JMJD1C: variants seen among roughly 807,000 people sequenced by gnomAD.
JMJD1C encodes the protein jumonji domain containing 1C, also known as jumonji domain-containing protein 1C.
In JMJD1C, 31 loss-of-function variants were observed where a neutral mutation model predicts 245.3. That is an observed-to-expected ratio of 0.13 (90% confidence interval 0.09 to 0.17). JMJD1C has a LOEUF of 0.17. Among genes scored for constraint, JMJD1C ranks in the 10% least tolerant of loss-of-function variants. The pLI, the probability that JMJD1C is intolerant of heterozygous loss-of-function variation, is 1.00. For missense variants in JMJD1C, 2,691 were observed against 3,000.2 expected (o/e 0.90, Z 2.41); for synonymous variants, 1,057 against 1,017.4 (o/e 1.04, Z -0.74).
At chr10:63,315,438 T>A (rs948151983) in intron 2 of JMJD1C, among the ~76,000 whole-genome samples, 1 of 152,226 alleles carries the variant, frequency 6.6e-6, no homozygotes, top group Admixed American at 6.5e-5. Flanking sequence ...CCTTCTGCCA[T>A]AAGAACCTTA....
intron 3 of JMJD1C, among the ~76,000 whole-genome samples, chr10:63,247,668 A>G (rs1640707640): frequency 7.1e-6 from 1 of 141,464 alleles, no homozygotes; most frequent in African/African-American, 2.6e-5. Context: ...AGAGGCGAAG[A>G]CTGCAGTGAG....
rs1182022940 is a variant in JMJD1C, at chr10:63,238,005, C to CT, written c.448-18023dup. On this transcript the variant is annotated intron_variant, in intron 3 of 25. Coordinates refer to ENST00000399262, the MANE Select transcript of JMJD1C (RefSeq NM_032776.3). ...CCAACACAGTGAAACCCCGTCTCTA[C>CT]TAAAAAAAAAAAAAAAAAAAAAAAA... Among the ~76,000 whole-genome samples the CT allele has an allele frequency of 5.2e-3, 211 of 40,526 alleles. 3 individuals are homozygous for CT. Among genetic ancestry groups the CT allele is most frequent in the African/African-American group, 0.024 (197 of 8,274 alleles). The allele number at this position is 40,526 out of a possible 152,430, so 26.6% of individuals were successfully genotyped here.
chr10:63,412,657 T>C (rs538002350), intron 1 of JMJD1C, among the ~76,000 whole-genome samples: 2 of 152,346 alleles, frequency 1.3e-5, no homozygotes, highest in South Asian at 2.1e-4. Context: ...CTACTGTAAA[T>C]AGTGCCATGT....
At chr10:63,201,379 T>C (rs530569083) in intron 10 of JMJD1C, among the ~76,000 whole-genome samples, 31 of 152,270 alleles carry the variant, frequency 2.0e-4, no homozygotes, top group African/African-American at 7.2e-4. Context: ...CTATCTTTAT[T>C]GATGAATTAA....
chr10:63,236,442 T>G (rs1850742884), intron 3 of JMJD1C, among the ~76,000 whole-genome samples: 1 of 152,212 alleles, frequency 6.6e-6, no homozygotes. Context: ...ATATTCTTTG[T>G]GATACTTTTA....
chr10:63,518,803 A>T (rs1422508255), intron 1 of JMJD1C, among the ~76,000 whole-genome samples: 1 of 152,238 alleles, frequency 6.6e-6, no homozygotes, highest in African/African-American at 2.4e-5. Flanking sequence ...CAATCATTAC[A>T]ACAATCTAAA....
In JMJD1C at chr10:63,213,648, T is replaced by C; in HGVS notation, c.2519A>G (p.Gln840Arg). Residue 840 changes from glutamine to arginine, a missense_variant, in exon 8 of 26, where the codon CAG becomes CGG. Transcript: ENST00000399262. ...GGCTTGTCCAAGAAGATGAGGTGACTGGTGCTGTAACAACTGTTGTTGTTG... is the reference window on the plus strand; with the variant it reads ...GGCTTGTCCAAGAAGATGAGGTGACCGGTGCTGTAACAACTGTTGTTGTTG... ...HQQQQQLLQH[Q>R]SPHLLGQAHP... is the part of the protein sequence containing the mutation. The C allele has an allele frequency of 2.5e-6, 4 of 1,614,226 alleles. No individual in the cohort carries two copies. The highest frequency in any genetic ancestry group is 3.4e-6 in the Non-Finnish European group (4 of 1,180,018).
chr10:63,488,640 C>G (rs958314121), intron 1 of JMJD1C, among the ~76,000 whole-genome samples: 5 of 151,918 alleles, frequency 3.3e-5, no homozygotes, highest in Non-Finnish European at 7.4e-5. Context: ...ATTAAAAAGA[C>G]AGCAATAAAG....
intron 3 of JMJD1C, 120 bp downstream of exon 3, chr10:63,264,531 T>A: frequency 1.8e-6 from 1 of 563,892 alleles, no homozygotes; most frequent in Non-Finnish European, 3.1e-6. Flanking sequence ...ATTCATTGGG[T>A]TTTTCACACA....
intron 3 of JMJD1C, among the ~76,000 whole-genome samples, chr10:63,262,802 GT>G (rs1854952945): frequency 1.0e-5 from 1 of 98,934 alleles, no homozygotes; most frequent in South Asian, 3.2e-4. Flanking sequence ...CTCTCAAACT[GT>G]TTTAAAAAAA....
At chr10:63,355,601 G>A (rs1358943016) in intron 2 of JMJD1C, among the ~76,000 whole-genome samples, 1 of 152,168 alleles carries the variant, frequency 6.6e-6, no homozygotes, top group African/African-American at 2.4e-5. Context: ...GTGAAAGAGG[G>A]AACAACAGTA....
intron 2 of JMJD1C, among the ~76,000 whole-genome samples, chr10:63,356,927 T>C (rs1001698395): frequency 1.3e-5 from 2 of 152,192 alleles, no homozygotes; most frequent in African/African-American, 2.4e-5. Context: ...TATTCATCTA[T>C]AAACAAGAAT....
chr10:63,357,974 G>C (rs1945006353), intron 2 of JMJD1C, among the ~76,000 whole-genome samples: 1 of 149,182 alleles, frequency 6.7e-6, no homozygotes, highest in South Asian at 2.1e-4. Flanking sequence ...TCTCAAATTA[G>C]AACACATGTA....
intron 1 of JMJD1C, among the ~76,000 whole-genome samples, chr10:63,462,427 G>A (rs1393842031): frequency 1.3e-5 from 2 of 152,180 alleles, no homozygotes; most frequent in Admixed American, 6.5e-5. Context: ...ACCACGGTGT[G>A]GTAAAAAATA....
chr10:63,206,093 C>G (rs577349926), intron 10 of JMJD1C, among the ~76,000 whole-genome samples: 44 of 152,238 alleles, frequency 2.9e-4, no homozygotes, highest in Non-Finnish European at 5.1e-4. Context: ...TCCGTGGGGG[C>G]GTCCTGGAAC....
At chr10:63,451,408 G>C (rs1952060876) in intron 1 of JMJD1C, among the ~76,000 whole-genome samples, 2 of 152,082 alleles carry the variant, frequency 1.3e-5, no homozygotes, top group South Asian at 4.1e-4. Context: ...AAACGCTGCA[G>C]GACTGGGATA....
chr10:63,301,366 GA>G (rs1412388617), intron 2 of JMJD1C, among the ~76,000 whole-genome samples: 3 of 152,110 alleles, frequency 2.0e-5, no homozygotes, highest in African/African-American at 7.2e-5. Flanking sequence ...TCAAAAATAT[GA>G]AGAAAAATCC....
At position 63,207,182 on chromosome 10, in the gene JMJD1C, C is replaced by A. The variant is rs370143073; in HGVS notation, c.4487G>T (p.Ser1496Ile). Residue 1496 changes from serine to isoleucine, a missense_variant, in exon 10 of 26, where the codon AGT (serine) becomes ATT (isoleucine). Physicochemically the swap from Ser to Ile is moderately radical, Grantham distance 142. Transcript: ENST00000399262. ...KAALAAAQYK[S>I]SNASETEPNA... ...AGGTTCAGTCTCACTGGCATTACTA[C>A]TTTTATACTGAGCTGCAGCCAATGC... 5 of 1,614,188 alleles carry A rather than the reference C, an allele frequency of 3.1e-6. No individual in the cohort carries two copies. The highest frequency in any genetic ancestry group is 4.2e-6 in the Non-Finnish European group (5 of 1,180,036).
chr10:63,441,154 T>C (rs1227291027), intron 1 of JMJD1C, among the ~76,000 whole-genome samples: 1 of 152,214 alleles, frequency 6.6e-6, no homozygotes, highest in African/African-American at 2.4e-5. Context: ...ACAAAAGAAC[T>C]GAAAGCTCTC....
Sources: allele counts gnomAD v4.1 joint callset (sites outside exome capture counted in the v4.1 genomes callset), GRCh38; gene constraint gnomAD v4.1.1; transcripts MANE v1.5; gene names NCBI Gene and HGNC (gene_info 2026-07-23, HGNC 2026-07-21).